TRPV4: variants seen among roughly 807,000 people sequenced by gnomAD.
TRPV4 encodes the protein OSM9-like transient receptor potential channel 4.
TRPV4 carries 58 observed loss-of-function variants against 84.1 expected under a neutral mutation model. The observed-to-expected ratio is 0.69, with a 90% CI of 0.56 to 0.86. TRPV4 has a LOEUF of 0.86. Among genes scored for constraint, TRPV4 ranks in the 40% least tolerant of loss-of-function variants. TRPV4 has a pLI of 0.00. For missense variants in TRPV4, 879 were observed against 1,181.1 expected, an observed-to-expected ratio of 0.74 and a Z score of 3.75; for synonymous variants, 489 against 500.9, an observed-to-expected ratio of 0.98 and a Z score of 0.32.
chr12:109,827,243 C>T (rs1892276695), intron 1 of TRPV4, among the ~76,000 whole-genome samples: 1 of 152,244 alleles, frequency 6.6e-6, no homozygotes, highest in South Asian at 2.1e-4. Context: ...ATCGTGAGCC[C>T]ATTTTATAGA....
chr12:109,813,041 C>T (rs1017021044), intron 2 of TRPV4, among the ~76,000 whole-genome samples: 1 of 151,912 alleles, frequency 6.6e-6, no homozygotes, highest in African/African-American at 2.4e-5. Context: ...AAATGGAAGG[C>T]TGGATGTGTA....
At chr12:109,810,021 A>G (rs1427673279) in intron 2 of TRPV4, among the ~76,000 whole-genome samples, 1 of 152,248 alleles carries the variant, frequency 6.6e-6, no homozygotes, top group Non-Finnish European at 1.5e-5. Context: ...CTACAGAGGC[A>G]GATGGCGGAA....
chr12:109,799,191 C>A (rs1196412602), intron 5 of TRPV4, among the ~76,000 whole-genome samples: 1 of 149,158 alleles, frequency 6.7e-6, no homozygotes, highest in Non-Finnish European at 1.5e-5. Flanking sequence ...CTCACTCTGT[C>A]GCCTAGGCTG....
chr12:109,830,882 A>T lies in TRPV4; in HGVS notation c.-32+2468T>A, dbSNP rs1892391580. 1.3e-5 allele frequency among the ~76,000 whole-genome samples: 2 copies of T among 152,242 alleles called. 1 individual carries two copies. The stretch of plus-strand genomic sequence containing the variant: ...ACTGAGCACCTACTATGTGCCAGGC[A>T]CATGAGGCTCAGTCTTGTGTGTTTC... On this transcript the variant is annotated intron_variant, in intron 1 of 15. Transcript: ENST00000261740.
chr12:109,791,479 CTT>C (rs1192347867), intron 12 of TRPV4, among the ~76,000 whole-genome samples: 12 of 128,412 alleles, frequency 9.3e-5, no homozygotes, highest in Admixed American at 1.6e-4. Flanking sequence ...CATTCACCAG[CTT>C]TTTTTTTTTT....
chr12:109,800,772 A>G lies in TRPV4; in HGVS notation c.713-14T>C, dbSNP rs1415463015. On this transcript the variant is annotated splice_polypyrimidine_tract_variant and intron_variant, in intron 4 of 15. Coordinates refer to ENST00000261740, the MANE Select transcript of TRPV4 (RefSeq NM_021625.5). ...GGGCTGTCTGACCTGGGGGCAGGGG[A>G]CGGTCATCCAGGGTCCTGGCGGAGC... The G allele has an allele frequency of 3.2e-6, 5 of 1,540,662 alleles. No homozygotes were observed. Among genetic ancestry groups the G allele is most frequent in the Non-Finnish European group, 4.4e-6 (5 of 1,136,624 alleles).
intron 12 of TRPV4, 45 bp downstream of exon 12, chr12:109,792,318 C>T (rs1890095791): frequency 6.3e-7 from 1 of 1,575,492 alleles, no homozygotes; most frequent in African/African-American, 1.4e-5. Flanking sequence ...CTGTTCCCGT[C>T]CTTGCACCAC....
chr12:109,786,669 A>C lies in TRPV4; in HGVS notation c.2336+41T>G. Reference sequence around the variant, plus strand: ...GCAGGGGCCCCGAGCCAGTGGGGACAGTTCCGCCCTGCCATCCTGGCCCCA... The same window carrying C: ...GCAGGGGCCCCGAGCCAGTGGGGACCGTTCCGCCCTGCCATCCTGGCCCCA... On this transcript the variant is annotated intron_variant, in intron 14 of 15. Coordinates refer to ENST00000261740, the MANE Select transcript of TRPV4 (RefSeq NM_021625.5). The surrounding 1 kb of genome is among the most constrained non-coding windows in gnomAD (Gnocchi z 4.5). 2.5e-6 allele frequency: 4 copies of C among 1,612,330 alleles called. No individual in the cohort carries two copies. The highest frequency in any genetic ancestry group is 3.4e-6 in the Non-Finnish European group (4 of 1,179,788).
chr12:109,813,107 T>G (rs138346389), intron 2 of TRPV4, among the ~76,000 whole-genome samples: 2 of 152,034 alleles, frequency 1.3e-5, no homozygotes, highest in Non-Finnish European at 2.9e-5. Context: ...TACGTGGATA[T>G]GTAGGTGAAT....
intron 1 of TRPV4, among the ~76,000 whole-genome samples, chr12:109,821,663 T>TG (rs1892104171): frequency 6.6e-6 from 1 of 152,130 alleles, no homozygotes; most frequent in Non-Finnish European, 1.5e-5. Context: ...CTCGAGTAGC[T>TG]GGGATTACAG....
At chr12:109,799,153 CTTTT>C (rs1038182364) in intron 5 of TRPV4, among the ~76,000 whole-genome samples, 3 of 137,876 alleles carry the variant, frequency 2.2e-5, no homozygotes. Context: ...TGATGGAATT[CTTTT>C]TTTTTTTTTT....
At chr12:109,792,548 C>A (rs550977662) in intron 11 of TRPV4, 104 bp downstream of exon 11, 2 of 1,578,400 alleles carry the variant, frequency 1.3e-6, no homozygotes, top group African/African-American at 2.7e-5. Flanking sequence ...CCTGCCCCCA[C>A]GGTACCCAGC....
chr12:109,831,914 G>A, intron 1 of TRPV4, among the ~76,000 whole-genome samples: 1 of 152,220 alleles, frequency 6.6e-6, no homozygotes, highest in East Asian at 1.9e-4. Context: ...AGGCTTTCTG[G>A]TTCCCATCAT....
rs1890380855 is a variant in TRPV4, at chr12:109,796,097, G to A, written c.1332+428C>T. ...TTTCAAAAGTTCATATAACAACCAT[G>A]AGTAGTAAAAGCTGACATAATGTTT... On this transcript the variant is annotated intron_variant, in intron 7 of 15. Transcript: ENST00000261740. The surrounding 1 kb of genome is among the most constrained non-coding windows in gnomAD (Gnocchi z 4.2). Among the ~76,000 whole-genome samples the A allele has an allele frequency of 6.6e-6, 1 of 152,090 alleles. No homozygotes were observed. Among genetic ancestry groups the A allele is most frequent in the Admixed American group, 6.5e-5 (1 of 15,280 alleles).
Position 109,793,725 on chromosome 12 carries a change from C to G in TRPV4, c.1585-125G>C. On this transcript the variant is annotated intron_variant, in intron 9 of 15. Coordinates refer to ENST00000261740, the MANE Select transcript of TRPV4 (RefSeq NM_021625.5). This position sits in a 1 kb window ranked among gnomAD's most constrained non-coding sequence, Gnocchi z 4.0. ...GCTGGTACAGAGAAAAGACAAAGGA[C>G]TCTTTCCTGTTAGAAAAGGAGAAAA... 1 of 914,420 alleles carries G rather than the reference C, an allele frequency of 1.1e-6. No homozygotes were observed. The highest frequency in any genetic ancestry group is 1.8e-6 in the Non-Finnish European group (1 of 567,948). The allele number at this position is 914,420 out of a possible 1,614,324, so 56.6% of individuals were successfully genotyped here. A position where few individuals can be genotyped will look rare whatever the true frequency, so the allele number is the denominator to read the frequency against.
At chr12:109,819,281 T>G (rs1891994873) in intron 1 of TRPV4, among the ~76,000 whole-genome samples, 1 of 152,240 alleles carries the variant, frequency 6.6e-6, no homozygotes, top group South Asian at 2.1e-4. Flanking sequence ...GCTGAGAGCC[T>G]GGGTGTGAGT....
At chr12:109,809,144 T>C (rs1164709218) in intron 2 of TRPV4, among the ~76,000 whole-genome samples, 22 of 86,602 alleles carry the variant, frequency 2.5e-4, no homozygotes, top group Middle Eastern at 0.012. Flanking sequence ...ATCCATCCAT[T>C]CATCACTCAT....
In TRPV4 at chr12:109,783,581, G is replaced by A; in HGVS notation, c.*40C>T. Reference sequence around the variant, plus strand: ...GCACTGCTGAAATGCGGCTGGACTAGAAATGAGTGGGCAGAGAAGCTGGGG... The same window carrying A: ...GCACTGCTGAAATGCGGCTGGACTAAAAATGAGTGGGCAGAGAAGCTGGGG... On this transcript the variant is annotated 3_prime_UTR_variant, in exon 16 of 16. Coordinates refer to ENST00000261740, the MANE Select transcript of TRPV4 (RefSeq NM_021625.5). The surrounding 1 kb of genome is among the most constrained non-coding windows in gnomAD (Gnocchi z 4.6). 1 of 1,601,770 alleles carries A rather than the reference G, an allele frequency of 6.2e-7. No homozygotes were observed. Among genetic ancestry groups the A allele is most frequent in the Non-Finnish European group, 8.5e-7 (1 of 1,172,884 alleles).
At position 109,792,835 on chromosome 12, in the gene TRPV4, C is replaced by T; in HGVS notation, c.1659-18G>A. On this transcript the variant is annotated intron_variant, in intron 10 of 15. Coordinates refer to ENST00000261740, the MANE Select transcript of TRPV4 (RefSeq NM_021625.5). ...AGATGAAGCTGCAGTGCAGCAGAGA[C>T]CACAAGAGAGGCCAGAGGGGAGAGG... 6.2e-7 allele frequency: 1 copy of T among 1,613,058 alleles called. No individual in the cohort carries two copies. Among genetic ancestry groups the T allele is most frequent in the East Asian group, 2.2e-5 (1 of 44,860 alleles).
Sources: allele counts gnomAD v4.1 joint callset (sites outside exome capture counted in the v4.1 genomes callset), GRCh38; gene constraint gnomAD v4.1.1; non-coding constraint Gnocchi (gnomAD v3.1); transcripts MANE v1.5; gene names NCBI Gene and HGNC (gene_info 2026-07-23, HGNC 2026-07-21).